ZNF737: variants seen among roughly 807,000 people sequenced by gnomAD.
ZNF737 encodes the protein zinc finger protein 737, also known as zinc finger protein 102 (Y3).
A neutral mutation model predicts 11.7 loss-of-function variants in ZNF737; 13 were observed. The observed-to-expected ratio is 1.11, with a 90% CI of 0.73 to 1.77. The LOEUF (loss-of-function observed/expected upper bound fraction) is 1.77. ZNF737 is among the 40% of genes most tolerant of loss of function. The pLI, the probability that ZNF737 is intolerant of heterozygous loss-of-function variation, is 0.00. For synonymous variants in ZNF737, 217 were observed against 216.2 expected (o/e 1.00, Z -0.03); for missense variants, 636 against 638.0 (o/e 1.00, Z 0.03).
At chr19:20,546,918 C>T (rs1379186190) in intron 3 of ZNF737, among the ~76,000 whole-genome samples, 1 of 152,204 alleles carries the variant, frequency 6.6e-6, no homozygotes, top group East Asian at 1.9e-4. Flanking sequence ...ACTAAAATTA[C>T]ACACTGTGTG....
At chr19:20,537,370 T>A (rs182866057), downstream of ZNF737, among the ~76,000 whole-genome samples, 267 of 151,450 alleles carry the variant, frequency 1.8e-3, 1 homozygote, top group African/African-American at 6.1e-3. Context: ...CTGGCTAATT[T>A]CTTGTATTTT....
At chr19:20,560,003 A>C (rs1969024676) in intron 1 of ZNF737, among the ~76,000 whole-genome samples, 1 of 151,286 alleles carries the variant, frequency 6.6e-6, no homozygotes, top group African/African-American at 2.4e-5. Context: ...CGTCTCTACT[A>C]AAAATACAAA....
rs543486631 is a variant in ZNF737 at position 20,540,698 on chromosome 19, G to C, written c.*3894C>G. On this transcript the variant is annotated 3_prime_UTR_variant, in exon 4 of 4. Transcript: ENST00000427401. The stretch of plus-strand genomic sequence containing the variant: ...TGCTTGAACCCAGGAGGTGGAGGTT[G>C]CCATGAGCTGAGATCACGCCACTGC... 12 of 577,086 alleles carry C rather than the reference G, an allele frequency of 2.1e-5. No homozygotes were observed. Among genetic ancestry groups the C allele is most frequent in the Non-Finnish European group, 2.6e-5 (12 of 457,576 alleles). 35.7% of individuals were successfully genotyped at this position (577,086 alleles called of 1,614,324 possible).
chr19:20,550,800 T>C (rs1461843847), intron 3 of ZNF737, among the ~76,000 whole-genome samples: 1 of 152,202 alleles, frequency 6.6e-6, no homozygotes, highest in Non-Finnish European at 1.5e-5. Flanking sequence ...GAAATGCTGT[T>C]AAAGCGTAAG....
downstream of ZNF737, among the ~76,000 whole-genome samples, chr19:20,533,176 C>T (rs558588463): frequency 3.3e-4 from 50 of 150,170 alleles, 3 homozygotes; most frequent in South Asian, 2.2e-3. Flanking sequence ...CTTCCAGAAG[C>T]GCACAACAAA....
chr19:20,565,453 G>A (rs1555763563), intron 1 of ZNF737, among the ~76,000 whole-genome samples, 185 bp downstream of exon 1: 1 of 152,152 alleles, frequency 6.6e-6, no homozygotes, highest in Non-Finnish European at 1.5e-5. Flanking sequence ...GACGCCAGGG[G>A]GCCCGGCTGT....
Position 20,545,959 on chromosome 19 carries a change from CA to C in ZNF737, c.243del (p.Phe81LeufsTer11). ...VANPSVTCSH[F>X]ARDLWPEQSI... Reference sequence around the variant, plus strand: ...CTCTGCTCTGGCCAAAGATCTCGGGCAAAATGAGAACACGTAACTGAAAGAA... The same window carrying C: ...CTCTGCTCTGGCCAAAGATCTCGGGCAAATGAGAACACGTAACTGAAAGAA... On this transcript the variant is annotated frameshift_variant, in exon 4 of 4. Transcript: ENST00000427401. LOFTEE classifies it low-confidence loss of function (END_TRUNC). 1 of 1,549,570 alleles carries C rather than the reference CA, an allele frequency of 6.5e-7. No homozygotes were observed. Among genetic ancestry groups the C allele is most frequent in the South Asian group, 1.3e-5 (1 of 79,138 alleles).
intron 1 of ZNF737, among the ~76,000 whole-genome samples, chr19:20,559,543 A>G (rs1240212335): frequency 6.6e-6 from 1 of 152,212 alleles, no homozygotes; most frequent in Non-Finnish European, 1.5e-5. Context: ...CAACAACGAG[A>G]TATCACTTCA....
At chr19:20,553,659 A>T (rs782104224) in intron 2 of ZNF737, 50 bp downstream of exon 2, 1 of 1,553,124 alleles carries the variant, frequency 6.4e-7, no homozygotes, top group Non-Finnish European at 8.8e-7. Context: ...AAGAGAGAGA[A>T]ATAAAGTCTT....
intron 3 of ZNF737, among the ~76,000 whole-genome samples, chr19:20,547,262 T>G (rs1210101426): frequency 3.3e-5 from 5 of 151,558 alleles, no homozygotes; most frequent in Non-Finnish European, 7.4e-5. Context: ...GCGCCTGTAG[T>G]CCCAGCTACT....
At chr19:20,555,381 A>ACT (rs1555760653) in intron 1 of ZNF737, among the ~76,000 whole-genome samples, 1 of 151,686 alleles carries the variant, frequency 6.6e-6, no homozygotes, top group African/African-American at 2.4e-5. Flanking sequence ...ACGGGGTTTC[A>ACT]CTGTGTTAGC....
At chr19:20,560,010 C>CA (rs782353203) in intron 1 of ZNF737, among the ~76,000 whole-genome samples, 1 of 151,084 alleles carries the variant, frequency 6.6e-6, no homozygotes, top group South Asian at 2.1e-4. Flanking sequence ...ACTAAAAATA[C>CA]AAAAAATTAG....
chr19:20,565,709 A>AC lies in ZNF737; in HGVS notation c.-70dup. 6.2e-7 allele frequency: 1 copy of AC among 1,609,854 alleles called. No homozygotes were observed. The highest frequency in any genetic ancestry group is 1.1e-5 in the South Asian group (1 of 91,000). Reference sequence around the variant, plus strand: ...CCCAATACCTGCAGGACACAGGGCCACAGAGGCTGGGCCTCTAGGAGCAGA... The same window carrying AC: ...CCCAATACCTGCAGGACACAGGGCCACCAGAGGCTGGGCCTCTAGGAGCAGA... On this transcript the variant is annotated 5_prime_UTR_variant, in exon 1 of 4. Transcript: ENST00000427401.
downstream of ZNF737, among the ~76,000 whole-genome samples, chr19:20,531,084 C>T (rs1967813879): frequency 1.4e-5 from 2 of 146,690 alleles, no homozygotes; most frequent in South Asian, 4.5e-4. Flanking sequence ...GAAAACCAGT[C>T]AGGCGTGGCG....
chr19:20,558,158 C>G (rs1324386055), intron 1 of ZNF737, among the ~76,000 whole-genome samples: 1 of 151,722 alleles, frequency 6.6e-6, no homozygotes, highest in Non-Finnish European at 1.5e-5. Flanking sequence ...GTGGCTGGCA[C>G]CTGTAATCCC....
chr19:20,537,113 A>C (rs997247262), downstream of ZNF737, among the ~76,000 whole-genome samples: 2 of 152,170 alleles, frequency 1.3e-5, no homozygotes, highest in South Asian at 4.1e-4. Flanking sequence ...AAAAAACAAA[A>C]AACAAAAACT....
At chr19:20,562,752 G>A (rs1555762803) in intron 1 of ZNF737, among the ~76,000 whole-genome samples, 1 of 152,010 alleles carries the variant, frequency 6.6e-6, no homozygotes, top group African/African-American at 2.4e-5. Flanking sequence ...ACCACACTTA[G>A]CCTAAAATAA....
chr19:20,545,092 A>G lies in ZNF737; in HGVS notation c.1111T>C (p.Cys371Arg). The change falls in exon 4 of 4, where the codon TGT becomes CGT. Residue 371 changes from cysteine (C) to arginine (R), a missense_variant. Coordinates refer to ENST00000427401, the MANE Select transcript of ZNF737 (RefSeq NM_001159293.2). Reference protein sequence around the residue: ...IIHSGEKPYKCEECGKAFNWS... With the variant: ...IIHSGEKPYKREECGKAFNWS... ...TTGAAGGCTTTGCCACATTCTTCAC[A>G]TTTGTAGGGTTTCTCTCCACTATGA... is the stretch of plus-strand genomic sequence containing the variant. 1 of 1,611,248 alleles carries G rather than the reference A, an allele frequency of 6.2e-7. No homozygotes were observed. The highest frequency in any genetic ancestry group is 8.5e-7 in the Non-Finnish European group (1 of 1,178,496).
chr19:20,542,987 C>T lies in ZNF737; in HGVS notation c.*1605G>A, dbSNP rs931504715. 17 of 984,784 alleles carry T rather than the reference C, an allele frequency of 1.7e-5. No individual in the cohort carries two copies. The highest frequency in any genetic ancestry group is 2.0e-5 in the Non-Finnish European group (17 of 829,414). 61.0% of individuals were successfully genotyped at this position (984,784 alleles called of 1,614,324 possible). A position where few individuals can be genotyped will look rare whatever the true frequency, so the allele number is the denominator to read the frequency against. On this transcript the variant is annotated 3_prime_UTR_variant, in exon 4 of 4. Transcript: ENST00000427401. ...ACTCCTTTTAAAGTTAAATAGAAAT[C>T]ATTTACCTAAAAACTGCAGTTGTGG...
Sources: allele counts gnomAD v4.1 joint callset (sites outside exome capture counted in the v4.1 genomes callset), GRCh38; gene constraint gnomAD v4.1.1; transcripts MANE v1.5; gene names NCBI Gene and HGNC (gene_info 2026-07-23, HGNC 2026-07-21).